PRKN: variants seen among roughly 807,000 people sequenced by gnomAD.
PRKN encodes the protein parkin RBR E3 ubiquitin protein ligase.
In PRKN, 56 loss-of-function variants were observed where a neutral mutation model predicts 59.5. The ratio of observed to expected loss-of-function variants is 0.94; its 90% confidence interval spans 0.76 to 1.18. The LOEUF is 1.18. PRKN is among the 50% of genes most tolerant of loss of function. PRKN has a pLI of 0.00. For missense variants in PRKN, 657 were observed against 596.4 expected (o/e 1.10, Z -1.06); for synonymous variants, 250 against 222.1 (o/e 1.13, Z -1.12).
chr6:162,279,099 G>C (rs1263710501), intron 2 of PRKN, among the ~76,000 whole-genome samples: 1 of 152,098 alleles, frequency 6.6e-6, no homozygotes, highest in Non-Finnish European at 1.5e-5. Flanking sequence ...GGGAGGCTGA[G>C]GTGGGTGGAT....
At chr6:162,533,520 T>G (rs1226370197) in intron 1 of PRKN, among the ~76,000 whole-genome samples, 1 of 151,908 alleles carries the variant, frequency 6.6e-6, no homozygotes, top group African/African-American at 2.4e-5. Context: ...ACAGTGAGAC[T>G]CCGTCTCAAA....
chr6:161,679,030 G>A (rs1409852631), intron 7 of PRKN, among the ~76,000 whole-genome samples: 1 of 152,152 alleles, frequency 6.6e-6, no homozygotes, highest in African/African-American at 2.4e-5. Context: ...GTGTGCAGGT[G>A]CACATGTCTC....
chr6:162,152,037 G>T (rs534042169), intron 4 of PRKN, among the ~76,000 whole-genome samples: 2 of 152,064 alleles, frequency 1.3e-5, no homozygotes, highest in Middle Eastern at 6.8e-3. Flanking sequence ...TTATATTAAG[G>T]GTCCCACATG....
At chr6:162,722,737 T>C (rs1188860454) in intron 1 of PRKN, among the ~76,000 whole-genome samples, 1 of 152,206 alleles carries the variant, frequency 6.6e-6, no homozygotes, top group Admixed American at 6.5e-5. Flanking sequence ...TTTACATATC[T>C]TAATACAAAG....
At chr6:162,453,141 G>A (rs1382284669) in intron 1 of PRKN, among the ~76,000 whole-genome samples, 1 of 152,086 alleles carries the variant, frequency 6.6e-6, no homozygotes, top group African/African-American at 2.4e-5. Context: ...GAATGTCAAG[G>A]TCTCCTGCCA....
intron 1 of PRKN, among the ~76,000 whole-genome samples, chr6:162,477,612 A>C (rs1792085226): frequency 6.6e-6 from 1 of 152,104 alleles, no homozygotes; most frequent in African/African-American, 2.4e-5. Context: ...ACAGTCCTTT[A>C]CGATTCCCTT....
At chr6:161,927,737 T>C (rs1189339893) in intron 6 of PRKN, among the ~76,000 whole-genome samples, 1 of 151,672 alleles carries the variant, frequency 6.6e-6, no homozygotes, top group Admixed American at 6.6e-5. Flanking sequence ...ACCCTGCCAC[T>C]GCACTCCAGC....
intron 7 of PRKN, among the ~76,000 whole-genome samples, chr6:161,766,026 A>G (rs1789408850): frequency 6.6e-6 from 1 of 152,202 alleles, no homozygotes; most frequent in Admixed American, 6.5e-5. Flanking sequence ...CAGTATTTTA[A>G]TATTAATAAA....
At chr6:161,971,820 C>T (rs1364928208) in intron 6 of PRKN, among the ~76,000 whole-genome samples, 1 of 152,232 alleles carries the variant, frequency 6.6e-6, no homozygotes, top group East Asian at 1.9e-4. Flanking sequence ...CACGAAATCA[C>T]AGAGTTTAAA....
At chr6:162,667,717 G>A (rs1004142081) in intron 1 of PRKN, among the ~76,000 whole-genome samples, 4 of 152,072 alleles carry the variant, frequency 2.6e-5, no homozygotes, top group African/African-American at 9.7e-5. Flanking sequence ...AAAGAACATG[G>A]ATACTGGAGC....
At chr6:161,829,969 G>A (rs906323375) in intron 6 of PRKN, among the ~76,000 whole-genome samples, 6 of 152,106 alleles carry the variant, frequency 3.9e-5, no homozygotes, top group African/African-American at 1.2e-4. Context: ...TAGCTTGGCC[G>A]GGAGCTGGGT....
intron 9 of PRKN, among the ~76,000 whole-genome samples, chr6:161,506,576 T>G (rs1264863475): frequency 6.6e-6 from 1 of 152,148 alleles, no homozygotes; most frequent in African/African-American, 2.4e-5. Context: ...AAATGCTGAT[T>G]GAATGACTGC....
At chr6:161,874,686 A>T (rs1583283024) in intron 6 of PRKN, among the ~76,000 whole-genome samples, 3 of 116,060 alleles carry the variant, frequency 2.6e-5, no homozygotes, top group African/African-American at 1.2e-4. Flanking sequence ...TAAAATGTAC[A>T]ATATATATAA....
At chr6:162,335,181 T>C (rs1387124084) in intron 2 of PRKN, among the ~76,000 whole-genome samples, 1 of 149,208 alleles carries the variant, frequency 6.7e-6, no homozygotes, top group South Asian at 2.1e-4. Context: ...GTTTGGCTAC[T>C]TTTTTTCTTT....
Position 161,377,392 on chromosome 6 carries a change from G to A in PRKN, c.1167+9402C>T, listed in dbSNP as rs1207342964. ...TGCCTCTCCTTGGGCTCACAACCATGGCCCCACGGTGGTAGTGGCCGGGCT... is the reference window on the plus strand; with the variant it reads ...TGCCTCTCCTTGGGCTCACAACCATAGCCCCACGGTGGTAGTGGCCGGGCT... On this transcript the variant is annotated intron_variant, in intron 10 of 11. Coordinates refer to ENST00000366898, the MANE Select transcript of PRKN (RefSeq NM_004562.3). This position sits in a 1 kb window ranked among gnomAD's most constrained non-coding sequence, Gnocchi z 4.2. Among the ~76,000 whole-genome samples the A allele has an allele frequency of 6.6e-6, 1 of 152,244 alleles. No homozygotes were observed. The highest frequency in any genetic ancestry group is 2.4e-5 in the African/African-American group (1 of 41,468).
At chr6:162,307,043 C>T (rs10945810) in intron 2 of PRKN, among the ~76,000 whole-genome samples, 105,590 of 152,052 alleles carry the variant, frequency 0.69, 37,569 homozygotes, top group East Asian at 0.83. Context: ...TCCCCACCCA[C>T]CTATAGGTCA....
chr6:161,934,738 T>G (rs928250954), intron 6 of PRKN, among the ~76,000 whole-genome samples: 1 of 152,158 alleles, frequency 6.6e-6, no homozygotes. Context: ...GAGACAGGTT[T>G]TTTCCCCTCA....
rs1779766066 is a variant in PRKN, at chr6:161,545,524, A to G, written c.1083+3330T>C. The G allele has an allele frequency of 1.0e-6, 1 of 966,150 alleles. No individual in the cohort carries two copies. The highest frequency in any genetic ancestry group is 1.7e-6 in the Non-Finnish European group (1 of 604,210). 59.8% of individuals were successfully genotyped at this position (966,150 alleles called of 1,614,324 possible). A position where few individuals can be genotyped will look rare whatever the true frequency, so the allele number is the denominator to read the frequency against. On this transcript the variant is annotated intron_variant, in intron 9 of 11. Coordinates refer to ENST00000366898, the MANE Select transcript of PRKN (RefSeq NM_004562.3). The surrounding 1 kb of genome is among the most constrained non-coding windows in gnomAD (Gnocchi z 4.1). The stretch of plus-strand genomic sequence containing the variant: ...TTCTACTTCTGAAATGACATAATCT[A>G]ACCACAATTTCTTCCAGACAATGGC...
intron 1 of PRKN, among the ~76,000 whole-genome samples, chr6:162,716,602 T>C (rs760753529): frequency 1.3e-5 from 2 of 152,140 alleles, no homozygotes; most frequent in Non-Finnish European, 2.9e-5. Context: ...GGATACAAAT[T>C]AGCAACCTGG....
Sources: gnomAD v4.1 joint callset for allele counts (sites outside exome capture counted in the v4.1 genomes callset) on GRCh38, gnomAD v4.1.1 for gene constraint, Gnocchi (gnomAD v3.1) non-coding constraint, MANE v1.5 for transcripts, NCBI Gene and HGNC (gene_info 2026-07-23, HGNC 2026-07-21) for gene names.